The following ACOXL variants were observed in gnomAD, a reference collection of about 807,000 sequenced individuals.
ACOXL encodes acyl-CoA oxidase like, also known as acyl-coenzyme A oxidase-like protein.
ACOXL carries 70 observed loss-of-function variants against 71.9 expected under a neutral mutation model. That is an observed-to-expected ratio of 0.97 (90% CI 0.80 to 1.19). ACOXL has a LOEUF of 1.19. ACOXL is among the 50% of genes most tolerant of loss of function. The probability of loss-of-function intolerance (pLI) is 0.00; values close to 1 mark genes in which losing one functional copy is unlikely to be tolerated. For missense variants in ACOXL, 703 were observed against 736.3 expected (o/e 0.95, Z 0.52); for synonymous variants, 253 against 281.6 (o/e 0.90, Z 1.02).
At chr2:110,966,031 A>C (rs1233134129) in intron 12 of ACOXL, among the ~76,000 whole-genome samples, 2 of 152,064 alleles carry the variant, frequency 1.3e-5, no homozygotes, top group African/African-American at 4.8e-5. Context: ...AAAAAACATA[A>C]CCATTCTCCC....
At chr2:110,951,401 C>T (rs1163556933) in intron 12 of ACOXL, among the ~76,000 whole-genome samples, 1 of 152,170 alleles carries the variant, frequency 6.6e-6, no homozygotes, top group Admixed American at 6.5e-5. Context: ...AAAATGATAG[C>T]TTTGTTTCTT....
At chr2:111,033,493 A>T (rs2065368571) in intron 15 of ACOXL, among the ~76,000 whole-genome samples, 1 of 152,138 alleles carries the variant, frequency 6.6e-6, no homozygotes, top group South Asian at 2.1e-4. Context: ...CACTATCAAG[A>T]CAGCTCGTGT....
chr2:110,768,365 C>G lies in ACOXL; in HGVS notation c.-22-3C>G, dbSNP rs1391509183. 6.2e-7 allele frequency: 1 copy of G among 1,612,552 alleles called. No homozygotes were observed. The highest frequency in any genetic ancestry group is 1.7e-5 in the Admixed American group (1 of 60,012). ...TGTCTTATTTTGTATCTGTTCTTCA[C>G]AGGTATGATTTAAGCTTGGATGAAA... On this transcript the variant is annotated splice_region_variant and splice_polypyrimidine_tract_variant and intron_variant, in intron 1 of 17. Coordinates refer to ENST00000439055, the MANE Select transcript of ACOXL (RefSeq NM_001142807.4).
chr2:110,871,040 A>T (rs958907840), intron 10 of ACOXL, among the ~76,000 whole-genome samples: 2 of 152,062 alleles, frequency 1.3e-5, no homozygotes, highest in Non-Finnish European at 2.9e-5. Flanking sequence ...ACTAATAATG[A>T]CCTTATTACC....
intron 11 of ACOXL, among the ~76,000 whole-genome samples, chr2:110,929,372 A>G (rs1205021736): frequency 6.6e-6 from 1 of 152,126 alleles, no homozygotes; most frequent in East Asian, 1.9e-4. Context: ...CTTGAGGGAG[A>G]TGATTTAGGG....
intron 11 of ACOXL, among the ~76,000 whole-genome samples, chr2:110,915,336 T>TATATATATATATATATA (rs1558721442): frequency 9.2e-5 from 12 of 130,792 alleles, no homozygotes; most frequent in African/African-American, 1.1e-4. Flanking sequence ...TATATGCATT[T>TATATATATATATATATA]TATATATATA....
intron 15 of ACOXL, among the ~76,000 whole-genome samples, chr2:111,047,450 A>C (rs2066071291): frequency 6.6e-6 from 1 of 152,236 alleles, no homozygotes; most frequent in African/African-American, 2.4e-5. Flanking sequence ...AGGTGATCTA[A>C]AGAAAACCTA....
At chr2:110,990,905 A>G (rs2063144436) in intron 13 of ACOXL, among the ~76,000 whole-genome samples, 1 of 152,010 alleles carries the variant, frequency 6.6e-6, no homozygotes, top group Non-Finnish European at 1.5e-5. Context: ...GCTTGTTAGT[A>G]TTTTTTAGGG....
At position 110,842,232 on chromosome 2, in the gene ACOXL, G is replaced by C. The variant is rs184808408; in HGVS notation, c.788+827G>C. On this transcript the variant is annotated intron_variant, in intron 10 of 17. Coordinates refer to ENST00000439055, the MANE Select transcript of ACOXL (RefSeq NM_001142807.4). ...GGCAATACCTGAGAGCTAGAAAGCTGGGGGGGAGCCATGTAGGTTACAGCA... is the reference window on the plus strand; with the variant it reads ...GGCAATACCTGAGAGCTAGAAAGCTCGGGGGGAGCCATGTAGGTTACAGCA... 2.6e-5 allele frequency among the ~76,000 whole-genome samples: 4 copies of C among 152,108 alleles called. No homozygotes were observed. In the East Asian group the frequency reaches 7.7e-4, roughly 29 times the overall value.
At chr2:110,943,315 AAAAG>A (rs2060966042) in intron 12 of ACOXL, among the ~76,000 whole-genome samples, 1 of 151,582 alleles carries the variant, frequency 6.6e-6, no homozygotes, top group Non-Finnish European at 1.5e-5. Flanking sequence ...GAGAAAGAGA[AAAAG>A]AAAAAGAAGG....
intron 3 of ACOXL, among the ~76,000 whole-genome samples, chr2:110,788,182 T>G (rs1025101023): frequency 6.6e-6 from 1 of 152,240 alleles, no homozygotes; most frequent in Non-Finnish European, 1.5e-5. Context: ...TAGATACTTG[T>G]GTGCCAGTGT....
At chr2:111,024,500 A>G (rs1046000353) in intron 14 of ACOXL, among the ~76,000 whole-genome samples, 2 of 152,236 alleles carry the variant, frequency 1.3e-5, no homozygotes, top group African/African-American at 4.8e-5. Flanking sequence ...AAGAACCTTC[A>G]GAGGTGGCAT....
chr2:110,984,011 T>C (rs1207413293), intron 12 of ACOXL, among the ~76,000 whole-genome samples: 1 of 152,094 alleles, frequency 6.6e-6, no homozygotes, highest in Admixed American at 6.5e-5. Context: ...GCCCGGCTAA[T>C]TTTTTAATGT....
chr2:111,014,362 A>G (rs1020850551), intron 14 of ACOXL, among the ~76,000 whole-genome samples: 3 of 152,264 alleles, frequency 2.0e-5, no homozygotes, highest in Admixed American at 6.5e-5. Context: ...ATAAAATTTA[A>G]TTTACAATAT....
At chr2:110,797,728 G>A (rs1315167936) in intron 5 of ACOXL, among the ~76,000 whole-genome samples, 2 of 152,186 alleles carry the variant, frequency 1.3e-5, no homozygotes, top group African/African-American at 4.8e-5. Context: ...CGGACCCTGG[G>A]ACAAGCCATC....
intron 12 of ACOXL, among the ~76,000 whole-genome samples, chr2:110,952,201 T>G (rs923192504): frequency 2.6e-5 from 4 of 152,236 alleles, no homozygotes; most frequent in Non-Finnish European, 5.9e-5. Context: ...GAGTCTGTTT[T>G]GCTAATTTTT....
intron 10 of ACOXL, among the ~76,000 whole-genome samples, chr2:110,860,409 G>A (rs991901941): frequency 2.0e-5 from 3 of 152,144 alleles, no homozygotes; most frequent in Admixed American, 1.3e-4. Flanking sequence ...ATGAGCCACC[G>A]CGCCCAGCCT....
chr2:110,833,365 G>A (rs1281127912), intron 9 of ACOXL, among the ~76,000 whole-genome samples: 3 of 152,186 alleles, frequency 2.0e-5, no homozygotes, highest in Non-Finnish European at 4.4e-5. Context: ...TTCCTGAAAT[G>A]ACAAAATTAT....
chr2:111,068,611 G>A (rs1368744331), intron 16 of ACOXL, among the ~76,000 whole-genome samples: 1 of 152,204 alleles, frequency 6.6e-6, no homozygotes, highest in East Asian at 1.9e-4. Flanking sequence ...GAGGATAGGA[G>A]GAAGCTTTTC....
Sources: allele counts gnomAD v4.1 joint callset (sites outside exome capture counted in the v4.1 genomes callset), GRCh38; gene constraint gnomAD v4.1.1; transcripts MANE v1.5; gene names NCBI Gene and HGNC (gene_info 2026-07-23, HGNC 2026-07-21).